SND1: variants seen among roughly 807,000 people sequenced by gnomAD.
SND1 encodes the protein staphylococcal nuclease domain-containing protein 1.
Under a neutral mutation model 121.7 loss-of-function variants are expected in SND1, and 38 were observed. The ratio of observed to expected loss-of-function variants is 0.31; its 90% CI spans 0.24 to 0.41. SND1 has a LOEUF of 0.41. Ranked by LOEUF, SND1 falls within the 10% of genes least tolerant of loss-of-function variation. The pLI, the probability that SND1 is intolerant of heterozygous loss-of-function variation, is 1.00. For missense variants in SND1, 868 were observed against 1,184.6 expected, an observed-to-expected ratio of 0.73 and a Z score of 3.92; for synonymous variants, 401 against 447.4, an observed-to-expected ratio of 0.90 and a Z score of 1.31.
intron 14 of SND1, among the ~76,000 whole-genome samples, chr7:127,911,857 A>G (rs1283490219): frequency 6.6e-6 from 1 of 152,090 alleles, no homozygotes; most frequent in Non-Finnish European, 1.5e-5. Context: ...GGATGTTACT[A>G]AGAAGACCTT....
At chr7:127,920,520 G>A (rs189093220) in intron 14 of SND1, among the ~76,000 whole-genome samples, 29 of 152,308 alleles carry the variant, frequency 1.9e-4, no homozygotes, top group African/African-American at 7.0e-4. Context: ...TAAGACTAGT[G>A]TGTTGAGAAG....
chr7:128,032,180 T>A (rs1171836022), intron 16 of SND1: 2 of 151,642 alleles, frequency 1.3e-5, no homozygotes, highest in African/African-American at 4.8e-5. Context: ...CCGCTCCCCC[T>A]CCGTCGCCTG....
chr7:127,939,418 G>T (rs61197076), intron 15 of SND1, among the ~76,000 whole-genome samples: 2,478 of 152,276 alleles, frequency 0.016, 87 homozygotes, highest in African/African-American at 0.056. Flanking sequence ...CCATTCCAGA[G>T]TAATAAATAA....
intron 15 of SND1, among the ~76,000 whole-genome samples, chr7:127,955,152 GA>G (rs1232432558): frequency 1.3e-5 from 2 of 152,128 alleles, no homozygotes; most frequent in African/African-American, 4.8e-5. Context: ...TCCACATAAG[GA>G]GAATGCCTTA....
rs1401465277 is a variant in SND1 at position 127,925,814 on chromosome 7, C to G, written c.1528-3374C>G. Among the ~76,000 whole-genome samples, 2 of 151,856 alleles carry G rather than the reference C, an allele frequency of 1.3e-5. 1 individual carries two copies. Among genetic ancestry groups the G allele is most frequent in the South Asian group, 4.1e-4 (2 of 4,820 alleles). ...TTCACCATGTTGGCCAGGCTGGTCTCGAACTCGTGATCTCAGATGATCCTC... is the reference window on the plus strand; with the variant it reads ...TTCACCATGTTGGCCAGGCTGGTCTGGAACTCGTGATCTCAGATGATCCTC... On this transcript the variant is annotated intron_variant, in intron 14 of 23. Coordinates refer to ENST00000354725, the MANE Select transcript of SND1 (RefSeq NM_014390.4).
chr7:127,899,254 T>G (rs538460855), intron 13 of SND1, among the ~76,000 whole-genome samples: 1 of 150,790 alleles, frequency 6.6e-6, no homozygotes, highest in South Asian at 2.1e-4. Context: ...AATTACATGC[T>G]GAACTGAGTG....
chr7:128,018,901 C>T (rs546989799), intron 16 of SND1, among the ~76,000 whole-genome samples: 3 of 152,348 alleles, frequency 2.0e-5, no homozygotes, highest in African/African-American at 4.8e-5. Context: ...ATGATCCTAA[C>T]TTCATTGCTG....
intron 12 of SND1, among the ~76,000 whole-genome samples, chr7:127,872,626 A>ACG (rs988935150): frequency 1.9e-4 from 19 of 99,184 alleles, no homozygotes; most frequent in Admixed American, 1.3e-3. Context: ...TTTAACACAC[A>ACG]CGCACACACA....
intron 1 of SND1, among the ~76,000 whole-genome samples, chr7:127,675,268 A>G (rs984029054): frequency 6.6e-6 from 1 of 152,122 alleles, no homozygotes; most frequent in Non-Finnish European, 1.5e-5. Context: ...AGGTTTATAC[A>G]TTTACCCCAA....
intron 10 of SND1, among the ~76,000 whole-genome samples, chr7:127,799,195 G>A (rs988551401): frequency 6.6e-6 from 1 of 152,174 alleles, no homozygotes; most frequent in Non-Finnish European, 1.5e-5. Context: ...GGTGGTGATT[G>A]TCTTTTGGCA....
chr7:127,692,499 C>A (rs1795938858), intron 2 of SND1: 1 of 152,242 alleles, frequency 6.6e-6, no homozygotes. Context: ...ACTTCTCCAT[C>A]AGATAGTCCT....
intron 10 of SND1, among the ~76,000 whole-genome samples, chr7:127,741,205 C>G (rs1411534014): frequency 6.6e-6 from 1 of 152,148 alleles, no homozygotes; most frequent in Non-Finnish European, 1.5e-5. Context: ...CTTTTATTCT[C>G]CCGTAAGAAT....
chr7:127,872,826 C>T (rs889851722), intron 12 of SND1, among the ~76,000 whole-genome samples: 4 of 151,950 alleles, frequency 2.6e-5, no homozygotes, highest in South Asian at 2.1e-4. Context: ...TGTCTGCGAT[C>T]GATTTTTTTC....
intron 13 of SND1, among the ~76,000 whole-genome samples, chr7:127,903,662 A>G (rs1337244251): frequency 1.5e-4 from 23 of 152,090 alleles, no homozygotes; most frequent in African/African-American, 5.6e-4. Context: ...AACCCACCCA[A>G]TTTGGCTTAT....
At chr7:127,832,099 A>C (rs931423130) in intron 11 of SND1, among the ~76,000 whole-genome samples, 1 of 152,224 alleles carries the variant, frequency 6.6e-6, no homozygotes, top group Non-Finnish European at 1.5e-5. Flanking sequence ...ATATTTATTC[A>C]GTATTGGTAA....
intron 15 of SND1, among the ~76,000 whole-genome samples, chr7:127,940,166 A>G (rs984181972): frequency 6.6e-6 from 1 of 151,986 alleles, no homozygotes; most frequent in Non-Finnish European, 1.5e-5. Context: ...GGGGGATGGA[A>G]TGGGAAACTT....
At chr7:127,741,552 A>G (rs1796882598) in intron 10 of SND1, among the ~76,000 whole-genome samples, 1 of 152,106 alleles carries the variant, frequency 6.6e-6, no homozygotes, top group Admixed American at 6.5e-5. Context: ...TAATTCTGAA[A>G]GAGGCTTGCA....
At chr7:128,027,473 AC>A (rs1803509928) in intron 16 of SND1, 1 of 152,296 alleles carries the variant, frequency 6.6e-6, no homozygotes, top group Non-Finnish European at 1.5e-5. Flanking sequence ...GTGAGCCTGT[AC>A]CCTTTTCGTC....
At chr7:128,043,663 A>T (rs543421840) in intron 16 of SND1, among the ~76,000 whole-genome samples, 1 of 151,350 alleles carries the variant, frequency 6.6e-6, no homozygotes, top group East Asian at 1.9e-4. Context: ...TCAGGCAGGA[A>T]CACCTCTTGG....
Sources: allele counts gnomAD v4.1 joint callset (sites outside exome capture counted in the v4.1 genomes callset), GRCh38; gene constraint gnomAD v4.1.1; transcripts MANE v1.5; gene names NCBI Gene and HGNC (gene_info 2026-07-23, HGNC 2026-07-21).